CAST: variants seen among roughly 807,000 people sequenced by gnomAD.
The protein encoded by CAST is calpastatin, also known as MIR583 host.
Under a neutral mutation model 119.6 loss-of-function variants are expected in CAST, and 76 were observed. That is an observed-to-expected ratio of 0.64 (90% CI 0.53 to 0.77). CAST has a LOEUF of 0.77. Ranked by LOEUF, CAST falls within the 30% of genes least tolerant of loss-of-function variation. The pLI is 0.00. For synonymous variants in CAST, 319 were observed against 331.6 expected, an observed-to-expected ratio of 0.96 and a Z score of 0.41; for missense variants, 953 against 946.5, an observed-to-expected ratio of 1.01 and a Z score of -0.09.
the CAST span, among the ~76,000 whole-genome samples, chr5:96,493,800 A>C: frequency 6.6e-6 from 1 of 152,174 alleles, no homozygotes; most frequent in Non-Finnish European, 1.5e-5. Context: ...GCACTTTGGG[A>C]GGACAAGGTG....
chr5:96,297,730 C>CT, the CAST span, among the ~76,000 whole-genome samples: 15 of 151,716 alleles, frequency 9.9e-5, 1 homozygote, highest in South Asian at 2.1e-4. Flanking sequence ...TGCTTTTATT[C>CT]TTTTTTTTTC....
At chr5:96,403,131 G>C in the CAST span, among the ~76,000 whole-genome samples, 1 of 152,094 alleles carries the variant, frequency 6.6e-6, no homozygotes, top group Non-Finnish European at 1.5e-5. Context: ...TAGCATGTGT[G>C]TCCTATGTTT....
At chr5:96,452,127 A>C in the CAST span, among the ~76,000 whole-genome samples, 1 of 152,204 alleles carries the variant, frequency 6.6e-6, no homozygotes, top group African/African-American at 2.4e-5. Flanking sequence ...TTGACCCAGC[A>C]ATCCCATTAC....
At chr5:96,363,845 C>T in the CAST span, among the ~76,000 whole-genome samples, 2 of 152,030 alleles carry the variant, frequency 1.3e-5, no homozygotes, top group African/African-American at 4.8e-5. Flanking sequence ...GCCTGATTGC[C>T]CTGGCCAGAA....
At chr5:96,542,427 A>G (rs1307856014) in intron 1 of CAST, among the ~76,000 whole-genome samples, 5 of 151,208 alleles carry the variant, frequency 3.3e-5, no homozygotes, top group Admixed American at 3.3e-4. Context: ...ATATTGTTCC[A>G]CATCCTCACC....
upstream of CAST, among the ~76,000 whole-genome samples, chr5:96,661,921 C>T (rs1286696575): frequency 1.3e-5 from 2 of 152,248 alleles, no homozygotes; most frequent in Non-Finnish European, 2.9e-5. Context: ...ACTGTCCAGG[C>T]TTGGGCCAGA....
chr5:96,357,353 A>C, the CAST span, among the ~76,000 whole-genome samples: 2 of 152,170 alleles, frequency 1.3e-5, no homozygotes, highest in African/African-American at 2.4e-5. Context: ...CCCTGGTCAG[A>C]ACTTCCAATA....
chr5:96,735,596 A>T (rs147372725), intron 9 of CAST, among the ~76,000 whole-genome samples: 1 of 152,344 alleles, frequency 6.6e-6, no homozygotes, highest in African/African-American at 2.4e-5. Context: ...AAAGGTGGCA[A>T]TGGGGAGGGA....
At chr5:96,591,313 G>T (rs1394725476) in intron 1 of CAST, among the ~76,000 whole-genome samples, 1 of 152,208 alleles carries the variant, frequency 6.6e-6, no homozygotes, top group Non-Finnish European at 1.5e-5. Context: ...TCAGTGCTCT[G>T]AAGTGTAGAA....
intron 29 of CAST, 137 bp downstream of exon 29, chr5:96,768,136 T>A (rs1402062805): frequency 4.4e-6 from 3 of 686,996 alleles, no homozygotes; most frequent in East Asian, 5.5e-5. Context: ...CAGGCTGGAG[T>A]GCAGTGGTGT....
intron 1 of CAST, among the ~76,000 whole-genome samples, chr5:96,542,310 A>AAAAAAAAG (rs758590246): frequency 0.19 from 6,445 of 33,648 alleles, 231 homozygotes; most frequent in Non-Finnish European, 0.25. Flanking sequence ...CTTAGTCTCA[A>AAAAAAAAG]AAAAAAAAAA....
At chr5:96,697,569 G>T (rs1469640160) in intron 3 of CAST, among the ~76,000 whole-genome samples, 1 of 152,214 alleles carries the variant, frequency 6.6e-6, no homozygotes, top group Non-Finnish European at 1.5e-5. Flanking sequence ...CGTAAATACA[G>T]GGAGTTAATT....
chr5:96,563,362 AG>A (rs1232494297), intron 1 of CAST, among the ~76,000 whole-genome samples: 2 of 152,186 alleles, frequency 1.3e-5, no homozygotes, highest in Non-Finnish European at 2.9e-5. Flanking sequence ...GATGAGTAGG[AG>A]GAAAAATATT....
the CAST span, among the ~76,000 whole-genome samples, chr5:96,245,765 G>A: frequency 6.6e-6 from 1 of 152,126 alleles, no homozygotes; most frequent in African/African-American, 2.4e-5. Flanking sequence ...TTAAAGACTT[G>A]GTCTATGTGA....
At chr5:96,500,294 A>C in the CAST span, among the ~76,000 whole-genome samples, 108,699 of 152,100 alleles carry the variant, frequency 0.71, 40,505 homozygotes, top group South Asian at 0.86. Flanking sequence ...AAAATGCAAT[A>C]TCTGCGAAGC....
chr5:96,112,104 T>C, the CAST span, among the ~76,000 whole-genome samples: 1 of 151,716 alleles, frequency 6.6e-6, no homozygotes, highest in African/African-American at 2.4e-5. Flanking sequence ...CAATTATTAA[T>C]ATATTCTCAG....
At chr5:96,312,990 A>T in the CAST span, among the ~76,000 whole-genome samples, 1 of 152,094 alleles carries the variant, frequency 6.6e-6, no homozygotes, top group Admixed American at 6.5e-5. Flanking sequence ...TTAGGGCTTA[A>T]TTCTCTCAAA....
At chr5:96,018,965 C>T in the CAST span, among the ~76,000 whole-genome samples, 13 of 152,264 alleles carry the variant, frequency 8.5e-5, no homozygotes, top group African/African-American at 2.6e-4. Context: ...AGCTTGGGTG[C>T]TTGTAGAGGT....
At chr5:96,380,770 A>T in the CAST span, among the ~76,000 whole-genome samples, 1 of 152,218 alleles carries the variant, frequency 6.6e-6, no homozygotes, top group Non-Finnish European at 1.5e-5. Context: ...TTAAAAAATT[A>T]TTGTATGATG....
Sources: gnomAD v4.1 joint callset for allele counts (sites outside exome capture counted in the v4.1 genomes callset) on GRCh38, gnomAD v4.1.1 for gene constraint, MANE v1.5 for transcripts, NCBI Gene and HGNC (gene_info 2026-07-23, HGNC 2026-07-21) for gene names.